The following MKRN1 variants were observed in gnomAD, a reference collection of about 807,000 sequenced individuals.
MKRN1 encodes E3 ubiquitin-protein ligase makorin-1.
A neutral mutation model predicts 55.5 loss-of-function variants in MKRN1; 9 were observed. The ratio of observed to expected loss-of-function variants is 0.16; its 90% CI spans 0.10 to 0.28. The LOEUF (loss-of-function observed/expected upper bound fraction) is 0.28, where lower values mean the gene tolerates loss of function less well. Ranked by LOEUF, MKRN1 falls within the 10% of genes least tolerant of loss-of-function variation. MKRN1 has a pLI of 1.00. For synonymous variants in MKRN1, 253 were observed against 235.9 expected (o/e 1.07, Z -0.66); for missense variants, 488 against 626.7 (o/e 0.78, Z 2.36).
chr7:140,456,887 A>G, intron 4 of MKRN1, 21 bp from the exon 5 acceptor site: 10 of 1,607,702 alleles, frequency 6.2e-6, no homozygotes, highest in Non-Finnish European at 7.7e-6. Flanking sequence ...TGGAGAGAGA[A>G]CAAGTGGAAT....
chr7:140,474,992 T>C (rs1287603152), intron 1 of MKRN1, among the ~76,000 whole-genome samples: 1 of 151,944 alleles, frequency 6.6e-6, no homozygotes, highest in Non-Finnish European at 1.5e-5. Context: ...GTACTAGAAT[T>C]ACAGGGGTGA....
intron 1 of MKRN1, among the ~76,000 whole-genome samples, chr7:140,477,308 T>G (rs1275580852): frequency 7.1e-6 from 1 of 141,236 alleles, no homozygotes; most frequent in Non-Finnish European, 1.5e-5. Flanking sequence ...ATCTAAGCTC[T>G]TTCTTTTCTT....
chr7:140,475,096 C>T (rs560153695), intron 1 of MKRN1: 4 of 294,784 alleles, frequency 1.4e-5, no homozygotes, highest in Non-Finnish European at 2.7e-5. Flanking sequence ...AATCCCAGGA[C>T]TTCGGGAGGC....
At chr7:140,469,569 T>C (rs1422998121) in intron 2 of MKRN1, among the ~76,000 whole-genome samples, 2 of 152,040 alleles carry the variant, frequency 1.3e-5, no homozygotes, top group African/African-American at 4.8e-5. Context: ...TTGTTTGCTC[T>C]GGGGAAAGCT....
intron 2 of MKRN1, among the ~76,000 whole-genome samples, chr7:140,465,812 T>C (rs1794748272): frequency 6.6e-6 from 1 of 152,268 alleles, no homozygotes; most frequent in Admixed American, 6.5e-5. Context: ...CCGGGTGTGG[T>C]GGCTCACGCC....
rs1794375520 is a variant in MKRN1 at position 140,453,125 on chromosome 7, A to C, written c.*1392T>G. ...GCTGCAAAATACAGAGACCTCTGCA[A>C]CAATTATTTGTTTTTTCTTAAAGTG... is the stretch of plus-strand genomic sequence containing the variant. On this transcript the variant is annotated 3_prime_UTR_variant, in exon 8 of 8. Transcript: ENST00000255977. 1 of 152,630 alleles carries C rather than the reference A, an allele frequency of 6.6e-6. No individual in the cohort carries two copies. The highest frequency in any genetic ancestry group is 2.1e-4 in the South Asian group (1 of 4,834). The allele number at this position is 152,630 out of a possible 1,614,324, so 9.5% of individuals were successfully genotyped here. A position where few individuals can be genotyped will look rare whatever the true frequency, so the allele number is the denominator to read the frequency against.
chr7:140,453,820 G>A lies in MKRN1; in HGVS notation c.*697C>T, dbSNP rs1328067889. On this transcript the variant is annotated 3_prime_UTR_variant, in exon 8 of 8. Transcript: ENST00000255977. ...ACACACTCACACCATGTCAGCCCTTGGGAGCCAACTTCCAACTCTGCATTG... is the reference window on the plus strand; with the variant it reads ...ACACACTCACACCATGTCAGCCCTTAGGAGCCAACTTCCAACTCTGCATTG... The A allele has an allele frequency of 6.4e-6, 1 of 155,266 alleles. No homozygotes were observed. The highest frequency in any genetic ancestry group is 2.4e-5 in the African/African-American group (1 of 41,416). 9.6% of individuals were successfully genotyped at this position (155,266 alleles called of 1,614,324 possible).
intron 5 of MKRN1, chr7:140,456,413 T>C: frequency 7.4e-7 from 1 of 1,357,378 alleles, no homozygotes; most frequent in Non-Finnish European, 9.5e-7. Context: ...CACAATCTCC[T>C]CAGAAAAAGC....
At chr7:140,468,002 C>CAAAAAAAAAA (rs566154288) in intron 2 of MKRN1, among the ~76,000 whole-genome samples, 11 of 88,772 alleles carry the variant, frequency 1.2e-4, no homozygotes, top group African/African-American at 4.5e-4. Context: ...AATTCTGTCT[C>CAAAAAAAAAA]AAAAAAAAAA....
chr7:140,463,904 A>C (rs1274943354), intron 2 of MKRN1, among the ~76,000 whole-genome samples: 1 of 151,934 alleles, frequency 6.6e-6, no homozygotes, highest in Non-Finnish European at 1.5e-5. Context: ...AAAAATAAAA[A>C]GAAATCCAGC....
Position 140,479,448 on chromosome 7 carries a change from G to A in MKRN1, c.-104C>T. 8.6e-7 allele frequency: 1 copy of A among 1,159,920 alleles called. No individual in the cohort carries two copies. The highest frequency in any genetic ancestry group is 3.8e-5 in the South Asian group (1 of 26,532). 71.9% of individuals were successfully genotyped at this position (1,159,920 alleles called of 1,614,324 possible). On this transcript the variant is annotated 5_prime_UTR_variant, in exon 1 of 8. Transcript: ENST00000255977. ...CGAGGCCAGGCGAGGGGAGGGGAAG[G>A]ACACTGAGGCACCCGTTCGGTCCCC...
chr7:140,478,492 CG>C (rs1393614647), intron 1 of MKRN1: 3 of 152,182 alleles, frequency 2.0e-5, no homozygotes, highest in Non-Finnish European at 2.9e-5. Flanking sequence ...AAAAAAACCG[CG>C]GGTGGAGAAG....
chr7:140,459,092 A>G lies in MKRN1; in HGVS notation c.686T>C (p.Val229Ala), dbSNP rs1299586064. The G allele has an allele frequency of 6.2e-7, 1 of 1,613,970 alleles. No individual in the cohort carries two copies. The highest frequency in any genetic ancestry group is 8.5e-7 in the Non-Finnish European group (1 of 1,179,868). The change falls in exon 4 of 8, where the codon GTG (valine) becomes GCG (alanine). Residue 229 changes from valine to alanine, a missense_variant. Physicochemically the swap from Val to Ala is moderately conservative, Grantham distance 64 (BLOSUM62 0). Transcript: ENST00000255977. ...VGECRYGENC[V>A]YLHGDSCDMC... is the part of the protein sequence containing the mutation. ...GTCACAAGAATCTCCGTGGAGATAC[A>G]CACAGTTCTCCCCGTATCGGCACTC...
intron 1 of MKRN1, 116 bp from the exon 2 acceptor site, chr7:140,472,127 CACAA>C: frequency 7.0e-7 from 1 of 1,425,190 alleles, no homozygotes. Context: ...ACGAAATAAA[CACAA>C]AGAAAGGGCC....
At chr7:140,467,400 C>T (rs1269234686) in intron 2 of MKRN1, among the ~76,000 whole-genome samples, 1 of 152,154 alleles carries the variant, frequency 6.6e-6, no homozygotes, top group Non-Finnish European at 1.5e-5. Context: ...ACCTCAGCCT[C>T]CCAAGTAGCT....
rs200628844 is a variant in MKRN1 at position 140,459,087 on chromosome 7, G to T, written c.691C>A (p.Leu231Ile). Residue 231 changes from leucine to isoleucine, a missense_variant, in exon 4 of 8, where the codon CTC (leucine) becomes ATC (isoleucine). Around this residue, in one of 2 missense-constraint regions of MKRN1, gnomAD observed 278 missense variants for 406.7 expected, o/e 0.68. Coordinates refer to ENST00000255977, the MANE Select transcript of MKRN1 (RefSeq NM_013446.4). ...ECRYGENCVY[L>I]HGDSCDMCGL... ...CACATGTCACAAGAATCTCCGTGGA[G>T]ATACACACAGTTCTCCCCGTATCGG... The T allele has an allele frequency of 1.9e-6, 3 of 1,613,986 alleles. No homozygotes were observed. Among genetic ancestry groups the T allele is most frequent in the Non-Finnish European group, 1.7e-6 (2 of 1,179,880 alleles).
At chr7:140,455,439 A>T in intron 6 of MKRN1, 1 of 623,850 alleles carries the variant, frequency 1.6e-6, no homozygotes, top group Non-Finnish European at 2.8e-6. Flanking sequence ...TATGCTGGTT[A>T]ATAGCTCTAG....
intron 3 of MKRN1, among the ~76,000 whole-genome samples, 162 bp from the exon 4 acceptor site, chr7:140,459,395 C>A (rs572172465): frequency 6.6e-6 from 1 of 150,698 alleles, no homozygotes; most frequent in Non-Finnish European, 1.5e-5. Flanking sequence ...TTTTTTCTAC[C>A]GCTGTTATTT....
At chr7:140,466,226 T>C (rs1432591458) in intron 2 of MKRN1, among the ~76,000 whole-genome samples, 1 of 152,216 alleles carries the variant, frequency 6.6e-6, no homozygotes, top group African/African-American at 2.4e-5. Flanking sequence ...CAGCCTGTAC[T>C]CAACAATTAT....
Sources: allele counts gnomAD v4.1 joint callset (sites outside exome capture counted in the v4.1 genomes callset), GRCh38; gene constraint gnomAD v4.1.1; regional missense constraint gnomAD v4.1.1; transcripts MANE v1.5; gene names NCBI Gene and HGNC (gene_info 2026-07-23, HGNC 2026-07-21).